Variants in CFAP210 observed in about 807,000 individuals in gnomAD.
The protein encoded by CFAP210 is cilia- and flagella- associated protein 210.
chr2:169,652,126 A>G, the CFAP210 span, among the ~76,000 whole-genome samples: 1 of 152,218 alleles, frequency 6.6e-6, no homozygotes, highest in Non-Finnish European at 1.5e-5. Flanking sequence ...TGTTGTGACA[A>G]ATTCACTTAG....
chr2:169,645,998 G>C, the CFAP210 span: 1 of 1,613,768 alleles, frequency 6.2e-7, no homozygotes, highest in Admixed American at 1.7e-5. Flanking sequence ...GCCACCTCCA[G>C]GTCCTTCCTG....
At chr2:169,694,372 G>A in the CFAP210 span, 8 of 1,580,598 alleles carry the variant, frequency 5.1e-6, no homozygotes, top group South Asian at 2.2e-5. Flanking sequence ...CAAGCGCCGC[G>A]GACGCCAGCC....
chr2:169,676,274 AGAC>A, the CFAP210 span, among the ~76,000 whole-genome samples: 2 of 152,028 alleles, frequency 1.3e-5, no homozygotes, highest in Non-Finnish European at 2.9e-5. Context: ...ATGGGTTTAT[AGAC>A]AGTCTTGCTG....
the CFAP210 span, chr2:169,680,863 C>A: frequency 6.1e-6 from 4 of 653,230 alleles, no homozygotes; most frequent in South Asian, 5.9e-5. Context: ...ATCACTTATA[C>A]CTAAATAACA....
At chr2:169,651,381 ACT>A in the CFAP210 span, among the ~76,000 whole-genome samples, 1 of 151,566 alleles carries the variant, frequency 6.6e-6, no homozygotes, top group African/African-American at 2.4e-5. Flanking sequence ...ACAGAGTGAG[ACT>A]CTATTAAAAA....
chr2:169,688,133 A>G, the CFAP210 span, among the ~76,000 whole-genome samples: 1 of 151,912 alleles, frequency 6.6e-6, no homozygotes, highest in African/African-American at 2.4e-5. Context: ...GGCCCATAAA[A>G]CCATTTTTTC....
At chr2:169,663,490 T>G in the CFAP210 span, among the ~76,000 whole-genome samples, 1 of 152,104 alleles carries the variant, frequency 6.6e-6, no homozygotes, top group Non-Finnish European at 1.5e-5. Context: ...CATGAGCCAA[T>G]GTACCCAGCC....
the CFAP210 span, chr2:169,674,650 A>G: frequency 6.2e-7 from 1 of 1,609,578 alleles, no homozygotes; most frequent in Non-Finnish European, 8.5e-7. Flanking sequence ...CTTCTTTAAA[A>G]GCTTTTTCAA....
chr2:169,686,483 A>G, the CFAP210 span, among the ~76,000 whole-genome samples: 1 of 152,172 alleles, frequency 6.6e-6, no homozygotes, highest in South Asian at 2.1e-4. Context: ...ATTTCTTAGA[A>G]TTATAGAGGC....
At chr2:169,650,770 G>GTT in the CFAP210 span, among the ~76,000 whole-genome samples, 1 of 146,700 alleles carries the variant, frequency 6.8e-6, no homozygotes, top group Non-Finnish European at 1.5e-5. Flanking sequence ...GTGTGTGTGT[G>GTT]TTTAAGAAAT....
the CFAP210 span, among the ~76,000 whole-genome samples, chr2:169,664,639 AAC>A: frequency 6.6e-6 from 1 of 152,218 alleles, no homozygotes; most frequent in African/African-American, 2.4e-5. Context: ...TCAAGGAAGA[AAC>A]ACATAACATT....
the CFAP210 span, among the ~76,000 whole-genome samples, chr2:169,685,339 T>C: frequency 1.3e-5 from 2 of 152,266 alleles, no homozygotes; most frequent in Admixed American, 1.3e-4. Flanking sequence ...TAGTGTTGAT[T>C]TGTATTTCTA....
the CFAP210 span, among the ~76,000 whole-genome samples, chr2:169,692,474 A>G: frequency 6.7e-6 from 1 of 150,194 alleles, no homozygotes; most frequent in Non-Finnish European, 1.5e-5. Context: ...ACACACACAC[A>G]CACACACCAC....
chr2:169,663,959 C>T, the CFAP210 span, among the ~76,000 whole-genome samples: 8 of 149,140 alleles, frequency 5.4e-5, no homozygotes, highest in Non-Finnish European at 1.0e-4. Context: ...GAGGCCAAGG[C>T]GGGCGGATCA....
chr2:169,661,286 C>A, the CFAP210 span: 1 of 541,568 alleles, frequency 1.8e-6, no homozygotes, highest in Middle Eastern at 6.2e-4. Context: ...ATGCCGTTTG[C>A]ATCTTTTAAT....
the CFAP210 span, among the ~76,000 whole-genome samples, chr2:169,693,441 T>C: frequency 7.2e-5 from 11 of 152,364 alleles, no homozygotes; most frequent in East Asian, 2.1e-3. Flanking sequence ...TCATAAAACC[T>C]CCACTGCATA....
the CFAP210 span, chr2:169,661,043 C>G: frequency 7.8e-6 from 4 of 511,838 alleles, no homozygotes; most frequent in Middle Eastern, 6.9e-4. Context: ...TTAGCAGAAG[C>G]CTGTTCTTGC....
chr2:169,687,171 C>A, the CFAP210 span, among the ~76,000 whole-genome samples: 48 of 152,274 alleles, frequency 3.2e-4, no homozygotes, highest in African/African-American at 1.1e-3. Context: ...CTGGGAGATA[C>A]AATTCAAGTT....
chr2:169,684,069 C>G, the CFAP210 span, among the ~76,000 whole-genome samples: 1 of 152,206 alleles, frequency 6.6e-6, no homozygotes, highest in Non-Finnish European at 1.5e-5. Flanking sequence ...TCCAAGATTC[C>G]TACCCCACAG....
Sources: allele counts gnomAD v4.1 joint callset (sites outside exome capture counted in the v4.1 genomes callset), GRCh38; gene constraint gnomAD v4.1.1; transcripts MANE v1.5; gene names NCBI Gene and HGNC (gene_info 2026-07-23, HGNC 2026-07-21).